The following EML2 variants were observed in gnomAD, a reference collection of about 807,000 sequenced individuals.
EML2 encodes echinoderm microtubule-associated protein-like 2.
EML2 carries 59 observed loss-of-function variants against 84.7 expected under a neutral mutation model. The ratio of observed to expected loss-of-function variants is 0.70; its 90% CI spans 0.56 to 0.86. The LOEUF is 0.86. Ranked by LOEUF, EML2 falls within the 40% of genes least tolerant of loss-of-function variation. The probability of loss-of-function intolerance (pLI) is 0.00; values close to 1 mark genes in which losing one functional copy is unlikely to be tolerated. For synonymous variants in EML2, 352 were observed against 348.9 expected (o/e 1.01, Z -0.10); for missense variants, 818 against 855.6 (o/e 0.96, Z 0.55).
At chr19:45,644,370 C>A (rs1974869628), upstream of EML2, among the ~76,000 whole-genome samples, 1 of 152,136 alleles carries the variant, frequency 6.6e-6, no homozygotes, top group Non-Finnish European at 1.5e-5. Flanking sequence ...CATTCTGGCT[C>A]TTAGAGGGAC....
chr19:45,609,884 C>A (rs1970304071), intron 18 of EML2, 96 bp from the exon 19 acceptor site: 2 of 1,377,558 alleles, frequency 1.5e-6, no homozygotes, highest in Non-Finnish European at 1.9e-6. Flanking sequence ...TTCTGCTCTT[C>A]CTCTTTTTTT....
upstream of EML2, chr19:45,642,115 T>G: frequency 3.4e-6 from 5 of 1,476,044 alleles, no homozygotes; most frequent in Non-Finnish European, 4.5e-6. Flanking sequence ...ATCCCACCCC[T>G]CCAGTCTAAC....
chr19:45,626,945 C>A, intron 7 of EML2, 106 bp from the exon 8 acceptor site: 1 of 985,162 alleles, frequency 1.0e-6, no homozygotes, highest in Non-Finnish European at 1.4e-6. Flanking sequence ...TTGTATGCTG[C>A]ACACCTGAAC....
At chr19:45,616,422 C>T (rs761584217) in intron 15 of EML2, 39 bp downstream of exon 15, 29 of 1,499,854 alleles carry the variant, frequency 1.9e-5, no homozygotes, top group Non-Finnish European at 2.5e-5. Context: ...ACCCCCTGGG[C>T]GGGGTGGCGG....
At chr19:45,643,895 CA>C (rs1974826747), upstream of EML2, among the ~76,000 whole-genome samples, 1 of 152,230 alleles carries the variant, frequency 6.6e-6, no homozygotes, top group South Asian at 2.1e-4. Context: ...GAACTCGTAA[CA>C]GGGGGAAACC....
chr19:45,621,498 C>T lies in EML2; in HGVS notation c.981G>A (p.Lys327=). ...CCCTCCTCACCTCCACTTCCTGCAG[C>T]TTGCTGTAGTCAGAACCCCAGAGGA... ...RVVLWGSDYS[K]LQEVEVPEDF... is the part of the protein sequence containing the mutation. The change falls in exon 10 of 19, where the codon AAG becomes AAA. Residue 327 remains lysine, a synonymous_variant. Coordinates refer to ENST00000245925, the MANE Select transcript of EML2 (RefSeq NM_012155.4). 1.2e-6 allele frequency: 2 copies of T among 1,611,204 alleles called. No individual in the cohort carries two copies. Among genetic ancestry groups the T allele is most frequent in the Non-Finnish European group, 1.7e-6 (2 of 1,179,706 alleles).
At position 45,616,815 on chromosome 19, in the gene EML2, G is replaced by A; in HGVS notation, c.1361C>T (p.Ala454Val). The part of the protein sequence containing the change: ...LLDTETHDLV[A>V]IHTDGNEQIS... The stretch of plus-strand genomic sequence containing the variant: ...CTGTTCATTGCCGTCTGTGTGGATA[G>A]CCACCAGGTCATGGGTCTCCGTGTC... Residue 454 changes from alanine to valine, a missense_variant, in exon 14 of 19, where the codon GCT becomes GTT. By Grantham distance (64) the Ala-to-Val change is moderately conservative (BLOSUM62 0). Coordinates refer to ENST00000245925, the MANE Select transcript of EML2 (RefSeq NM_012155.4). 6.2e-7 allele frequency: 1 copy of A among 1,613,404 alleles called. No individual in the cohort carries two copies. The highest frequency in any genetic ancestry group is 1.1e-5 in the South Asian group (1 of 91,062).
chr19:45,645,035 T>A, upstream of EML2: 1 of 591,618 alleles, frequency 1.7e-6, no homozygotes, highest in Non-Finnish European at 3.0e-6. Flanking sequence ...TTCTGCCCCC[T>A]TCTCTCCTCT....
At chr19:45,637,160 C>G (rs964892934) in intron 3 of EML2, among the ~76,000 whole-genome samples, 1 of 152,310 alleles carries the variant, frequency 6.6e-6, no homozygotes, top group African/African-American at 2.4e-5. Context: ...GAAGGCCAGG[C>G]CATTTCACCA....
intron 15 of EML2, 66 bp from the exon 16 acceptor site, chr19:45,615,955 T>C: frequency 8.1e-7 from 1 of 1,234,652 alleles, no homozygotes; most frequent in Non-Finnish European, 1.2e-6. Context: ...GGGGACAGGA[T>C]TAAATCAGGA....
At position 45,615,009 on chromosome 19, in the gene EML2, T is replaced by C. The variant is rs1184155665; in HGVS notation, c.1598-309A>G. 9 of 278,648 alleles carry C rather than the reference T, an allele frequency of 3.2e-5. No individual in the cohort carries two copies. The East Asian group carries it at 8.4e-4, about 26-fold the overall frequency. The allele number at this position is 278,648 out of a possible 1,614,324, so 17.3% of individuals were successfully genotyped here. On this transcript the variant is annotated intron_variant, in intron 16 of 18. Coordinates refer to ENST00000245925, the MANE Select transcript of EML2 (RefSeq NM_012155.4). ...TGAGGTCAGGAGTTCGAGACCAGCC[T>C]GGCCAAGATGGTGAAACCCCATCTC... is the stretch of plus-strand genomic sequence containing the variant.
intron 12 of EML2, 98 bp downstream of exon 12, chr19:45,618,962 A>G: frequency 7.6e-7 from 1 of 1,321,706 alleles, no homozygotes; most frequent in East Asian, 2.7e-5. Context: ...AAAAAAAAAA[A>G]AGACCTTGTT....
intron 11 of EML2, chr19:45,620,858 C>T (rs1971602308): frequency 2.5e-6 from 1 of 397,718 alleles, no homozygotes; most frequent in Non-Finnish European, 4.9e-6. Flanking sequence ...CAGACTCCAG[C>T]AGGACCTTCC....
At chr19:45,626,222 G>A (rs1972301413) in intron 8 of EML2, among the ~76,000 whole-genome samples, 1 of 150,534 alleles carries the variant, frequency 6.6e-6, no homozygotes, top group Admixed American at 6.6e-5. Flanking sequence ...ATGTTCCCCA[G>A]GCTGGTCTCG....
At chr19:45,621,009 TG>T in intron 11 of EML2, 197 bp downstream of exon 11, 2 of 829,642 alleles carry the variant, frequency 2.4e-6, no homozygotes, top group Non-Finnish European at 3.9e-6. Context: ...AGCAGGGGCC[TG>T]GGGCCCCTCT....
At position 45,609,634 on chromosome 19, in the gene EML2, C is replaced by A. The variant is rs749466102; in HGVS notation, c.*29G>T. On this transcript the variant is annotated 3_prime_UTR_variant, in exon 19 of 19. Coordinates refer to ENST00000245925, the MANE Select transcript of EML2 (RefSeq NM_012155.4). The stretch of plus-strand genomic sequence containing the variant: ...ACATCTCCCGAAAATAGAATTCCTG[C>A]CCTGACACCTGACTCTTCCCTGGCC... 4 of 1,585,592 alleles carry A rather than the reference C, an allele frequency of 2.5e-6. No individual in the cohort carries two copies. The highest frequency in any genetic ancestry group is 3.4e-6 in the Non-Finnish European group (4 of 1,167,236).
chr19:45,621,440 G>A, intron 10 of EML2, 43 bp downstream of exon 10: 3 of 1,592,296 alleles, frequency 1.9e-6, no homozygotes, highest in Non-Finnish European at 2.6e-6. Context: ...TGAGATCGGG[G>A]GGGGCCTCTC....
At chr19:45,639,325 G>A in intron 1 of EML2, 32 bp downstream of exon 1, 1 of 1,347,346 alleles carries the variant, frequency 7.4e-7, no homozygotes, top group Non-Finnish European at 9.6e-7. Flanking sequence ...GCGCGGAGAG[G>A]AGATGGGGGG....
chr19:45,645,295 G>A, upstream of EML2: 2 of 1,533,902 alleles, frequency 1.3e-6, no homozygotes, highest in East Asian at 2.5e-5. Context: ...GCAGCAGCGA[G>A]GACGTGTCGT....
Sources: allele counts gnomAD v4.1 joint callset (sites outside exome capture counted in the v4.1 genomes callset), GRCh38; gene constraint gnomAD v4.1.1; transcripts MANE v1.5; gene names NCBI Gene and HGNC (gene_info 2026-07-23, HGNC 2026-07-21).